The following CCDC73 variants were observed in gnomAD, a reference collection of about 807,000 sequenced individuals.
CCDC73 encodes the protein coiled-coil domain-containing protein 73.
CCDC73 carries 95 observed loss-of-function variants against 116.5 expected under a neutral mutation model. The observed-to-expected ratio is 0.82, with a 90% CI of 0.69 to 0.97. CCDC73 has a LOEUF of 0.97. Among genes scored for constraint, CCDC73 ranks in the 50% least tolerant of loss-of-function variants. The pLI is 0.00. For synonymous variants in CCDC73, 398 were observed against 401.3 expected, an observed-to-expected ratio of 0.99 and a Z score of 0.10; for missense variants, 1,066 against 1,206.8, an observed-to-expected ratio of 0.88 and a Z score of 1.73.
At chr11:32,663,849 A>G (rs1199642452) in intron 9 of CCDC73, among the ~76,000 whole-genome samples, 1 of 152,106 alleles carries the variant, frequency 6.6e-6, no homozygotes, top group Non-Finnish European at 1.5e-5. Context: ...TTTGAGATAC[A>G]TCCCATCAAT....
intron 2 of CCDC73, among the ~76,000 whole-genome samples, chr11:32,719,910 A>G (rs917972181): frequency 6.6e-6 from 1 of 152,170 alleles, no homozygotes; most frequent in Admixed American, 6.5e-5. Context: ...AGTTCTTAAT[A>G]AAAAGCCTCC....
At chr11:32,673,944 T>C (rs1488194688) in intron 9 of CCDC73, among the ~76,000 whole-genome samples, 1 of 152,070 alleles carries the variant, frequency 6.6e-6, no homozygotes, top group East Asian at 1.9e-4. Context: ...AGAGAAGTAG[T>C]GATCTGTTGA....
At chr11:32,695,844 T>A (rs1856306493) in intron 6 of CCDC73, among the ~76,000 whole-genome samples, 1 of 151,520 alleles carries the variant, frequency 6.6e-6, no homozygotes, top group South Asian at 2.1e-4. Context: ...TGTTTTTTTT[T>A]AACTAGTCCT....
At chr11:32,734,293 A>C (rs977948673) in intron 2 of CCDC73, among the ~76,000 whole-genome samples, 1 of 152,148 alleles carries the variant, frequency 6.6e-6, no homozygotes, top group Non-Finnish European at 1.5e-5. Flanking sequence ...CTCACCAACC[A>C]AAAAAAGTCC....
At chr11:32,829,334 T>G in the CCDC73 span, among the ~76,000 whole-genome samples, 1 of 152,172 alleles carries the variant, frequency 6.6e-6, no homozygotes, top group Non-Finnish European at 1.5e-5. Flanking sequence ...CTGTACACTC[T>G]TGAGAGAATG....
chr11:32,730,328 T>C (rs1850064349), intron 2 of CCDC73, among the ~76,000 whole-genome samples: 1 of 152,262 alleles, frequency 6.6e-6, no homozygotes, highest in African/African-American at 2.4e-5. Context: ...CAGAATGTCA[T>C]ATAAATGCAT....
At chr11:32,696,354 A>G (rs1856311035) in intron 6 of CCDC73, among the ~76,000 whole-genome samples, 1 of 152,130 alleles carries the variant, frequency 6.6e-6, no homozygotes, top group Non-Finnish European at 1.5e-5. Flanking sequence ...ATATAGGTCC[A>G]GTGTGCTACT....
At chr11:32,745,854 A>G (rs1355891313) in intron 2 of CCDC73, among the ~76,000 whole-genome samples, 1 of 149,476 alleles carries the variant, frequency 6.7e-6, no homozygotes, top group East Asian at 2.0e-4. Flanking sequence ...AATACAACAC[A>G]CTGATGGGTC....
rs560385412 is a variant in CCDC73, at chr11:32,766,932, A to G, written c.-15-6674T>C. 7.2e-5 allele frequency among the ~76,000 whole-genome samples: 11 copies of G among 152,286 alleles called. No individual in the cohort carries two copies. The South Asian group carries it at 1.0e-3, about 14-fold the overall frequency. On this transcript the variant is annotated intron_variant, in intron 1 of 17. Coordinates refer to ENST00000335185, the MANE Select transcript of CCDC73 (RefSeq NM_001008391.4). ...ATAGATTCAATGCCATCCCCATCAAACTACCAATGACTTTCTTCACAGAAT... is the reference window on the plus strand; with the variant it reads ...ATAGATTCAATGCCATCCCCATCAAGCTACCAATGACTTTCTTCACAGAAT...
intron 3 of CCDC73, among the ~76,000 whole-genome samples, chr11:32,707,265 T>C (rs1426409861): frequency 6.6e-6 from 1 of 152,018 alleles, no homozygotes; most frequent in African/African-American, 2.4e-5. Context: ...AAAAACCCAG[T>C]GAATGAGGAT....
the CCDC73 span, among the ~76,000 whole-genome samples, chr11:32,822,789 A>G: frequency 6.6e-6 from 1 of 152,228 alleles, no homozygotes; most frequent in Admixed American, 6.5e-5. Flanking sequence ...GAAACGTAAA[A>G]TTGTGAAATA....
At chr11:32,622,104 G>A (rs1464679721) in intron 14 of CCDC73, among the ~76,000 whole-genome samples, 2 of 152,208 alleles carry the variant, frequency 1.3e-5, no homozygotes, top group African/African-American at 4.8e-5. Context: ...ACAGTGTGGT[G>A]ATTCCTCAAG....
chr11:32,763,737 G>A (rs544918138), intron 1 of CCDC73, among the ~76,000 whole-genome samples: 6 of 152,312 alleles, frequency 3.9e-5, no homozygotes, highest in South Asian at 2.1e-4. Context: ...GCAGCTCCTC[G>A]CCAGCAAAGG....
At chr11:32,827,982 G>T in the CCDC73 span, among the ~76,000 whole-genome samples, 2 of 152,324 alleles carry the variant, frequency 1.3e-5, no homozygotes, top group East Asian at 3.9e-4. Flanking sequence ...GCTTGAATAA[G>T]AGGGAAAGAA....
At chr11:32,665,548 G>A (rs1855972856) in intron 9 of CCDC73, among the ~76,000 whole-genome samples, 1 of 152,094 alleles carries the variant, frequency 6.6e-6, no homozygotes, top group South Asian at 2.1e-4. Flanking sequence ...GAGCCTATGT[G>A]TGTCTCTGCA....
At chr11:32,824,813 G>A in the CCDC73 span, among the ~76,000 whole-genome samples, 3 of 152,194 alleles carry the variant, frequency 2.0e-5, 1 homozygote, top group East Asian at 5.8e-4. Context: ...GCCTGGTGCC[G>A]TGGCTCATGC....
intron 2 of CCDC73, among the ~76,000 whole-genome samples, chr11:32,740,759 T>C (rs1286539899): frequency 1.3e-5 from 2 of 152,024 alleles, no homozygotes; most frequent in African/African-American, 4.8e-5. Flanking sequence ...TTAAGATGTA[T>C]AATTAGGTTG....
At chr11:32,747,225 C>A (rs564095433) in intron 2 of CCDC73, among the ~76,000 whole-genome samples, 1 of 152,250 alleles carries the variant, frequency 6.6e-6, no homozygotes, top group African/African-American at 2.4e-5. Flanking sequence ...AGGTCCACTC[C>A]AGACCCTGTT....
chr11:32,610,217 GC>G (rs1448944798), intron 17 of CCDC73, among the ~76,000 whole-genome samples: 1 of 152,034 alleles, frequency 6.6e-6, no homozygotes. Flanking sequence ...GGAAAGACCC[GC>G]CCCCATGATT....
Sources: allele counts gnomAD v4.1 joint callset (sites outside exome capture counted in the v4.1 genomes callset), GRCh38; gene constraint gnomAD v4.1.1; transcripts MANE v1.5; gene names NCBI Gene and HGNC (gene_info 2026-07-23, HGNC 2026-07-21).